The following IQSEC1 variants were observed in gnomAD, a reference collection of about 807,000 sequenced individuals.
IQSEC1 encodes IQ motif and Sec7 domain ArfGEF 1, also known as IQ motif and SEC7 domain-containing protein 1.
IQSEC1 carries 31 observed loss-of-function variants against 91.0 expected under a neutral mutation model. That is an observed-to-expected ratio of 0.34 (90% CI 0.26 to 0.46). The LOEUF (loss-of-function observed/expected upper bound fraction) is 0.46. IQSEC1 is among the 20% of genes least tolerant of loss of function. IQSEC1 has a pLI of 1.00. For missense variants in IQSEC1, 1,388 were observed against 1,575.6 expected, an observed-to-expected ratio of 0.88 and a Z score of 2.02; for synonymous variants, 699 against 662.6, an observed-to-expected ratio of 1.05 and a Z score of -0.84.
chr3:13,041,651 C>T (rs1016001502), intron 1 of IQSEC1, among the ~76,000 whole-genome samples: 16 of 152,158 alleles, frequency 1.1e-4, no homozygotes, highest in Admixed American at 2.0e-4. Flanking sequence ...AGAACACACA[C>T]GCTCGGAAGA....
chr3:13,108,524 C>T (rs909766877), intron 2 of IQSEC1, among the ~76,000 whole-genome samples: 3 of 151,716 alleles, frequency 2.0e-5, no homozygotes, highest in African/African-American at 7.3e-5. Flanking sequence ...TTTTTTTAGC[C>T]ACATAGCACT....
chr3:13,081,650 T>G (rs1318652785), intron 2 of IQSEC1, among the ~76,000 whole-genome samples: 1 of 152,224 alleles, frequency 6.6e-6, no homozygotes, highest in African/African-American at 2.4e-5. Context: ...CAAAAATTTT[T>G]CAGTCATCTA....
At chr3:13,234,510 T>C (rs916890527) in intron 1 of IQSEC1, among the ~76,000 whole-genome samples, 1 of 152,210 alleles carries the variant, frequency 6.6e-6, no homozygotes, top group Non-Finnish European at 1.5e-5. Flanking sequence ...CTGAAACACC[T>C]GAATTTCTTC....
rs1435881125 is a variant in IQSEC1, at chr3:12,898,013, CCTG to C, written c.*2967_*2969del. The C allele has an allele frequency of 5.9e-5, 9 of 152,266 alleles. No homozygotes were observed. Among genetic ancestry groups the C allele is most frequent in the Non-Finnish European group, 1.3e-4 (9 of 68,052 alleles). The allele number at this position is 152,266 out of a possible 1,614,324, so 9.4% of individuals were successfully genotyped here. On this transcript the variant is annotated 3_prime_UTR_variant, in exon 14 of 14. Coordinates refer to ENST00000613206, the MANE Select transcript of IQSEC1 (RefSeq NM_001134382.3). Reference sequence around the variant, plus strand: ...TTGCCAGCTGTTTCCCTCAGCGTCTCCTGCTCCTGTCAGCAATTCTGTATGTAA... The same window carrying C: ...TTGCCAGCTGTTTCCCTCAGCGTCTCCTCCTGTCAGCAATTCTGTATGTAA...
intron 1 of IQSEC1, among the ~76,000 whole-genome samples, chr3:13,210,686 A>C (rs1694427697): frequency 6.6e-6 from 1 of 152,060 alleles, no homozygotes; most frequent in Non-Finnish European, 1.5e-5. Context: ...CTCCGCTCTG[A>C]GTTTTCCTAA....
Position 12,924,825 on chromosome 3 carries a change from G to C in IQSEC1, c.1569-83C>G, listed in dbSNP as rs931887491. ...TGGAGGGGATCTCCGCTCAGTGGAC[G>C]GTCGACATTCTCCCTCCCTGCCCAC... On this transcript the variant is annotated intron_variant, in intron 3 of 13. Coordinates refer to ENST00000613206, the MANE Select transcript of IQSEC1 (RefSeq NM_001134382.3). This position sits in a 1 kb window ranked among gnomAD's most constrained non-coding sequence, Gnocchi z 6.3. 1 of 1,329,720 alleles carries C rather than the reference G, an allele frequency of 7.5e-7. No individual in the cohort carries two copies. Among genetic ancestry groups the C allele is most frequent in the African/African-American group, 1.5e-5 (1 of 66,982 alleles). 82.4% of individuals were successfully genotyped at this position (1,329,720 alleles called of 1,614,324 possible). A position where few individuals can be genotyped will look rare whatever the true frequency, so the allele number is the denominator to read the frequency against.
At chr3:13,180,248 T>C (rs2125016100) in intron 1 of IQSEC1, among the ~76,000 whole-genome samples, 1 of 152,226 alleles carries the variant, frequency 6.6e-6, no homozygotes, top group East Asian at 1.9e-4. Context: ...ATTGGCACTC[T>C]GTATCTAGCT....
intron 2 of IQSEC1, among the ~76,000 whole-genome samples, chr3:13,118,190 C>T (rs1398334442): frequency 4.6e-5 from 7 of 152,212 alleles, no homozygotes; most frequent in Non-Finnish European, 1.0e-4. Flanking sequence ...TTATATATAT[C>T]CAAACATCAT....
chr3:13,194,858 C>G (rs1299898742), intron 1 of IQSEC1, among the ~76,000 whole-genome samples: 1 of 152,138 alleles, frequency 6.6e-6, no homozygotes. Flanking sequence ...CAAAGTGGAT[C>G]ATCGGCTTAA....
chr3:13,041,201 C>T (rs543796709), intron 1 of IQSEC1, among the ~76,000 whole-genome samples: 8 of 137,616 alleles, frequency 5.8e-5, no homozygotes, highest in South Asian at 4.8e-4. Flanking sequence ...CTCCTGAGGC[C>T]GCATGAACAA....
chr3:12,988,402 G>A (rs1175233703), intron 1 of IQSEC1, among the ~76,000 whole-genome samples: 1 of 152,012 alleles, frequency 6.6e-6, no homozygotes, highest in Non-Finnish European at 1.5e-5. Context: ...GCGACAGAGC[G>A]AGGCTCTATC....
chr3:13,175,538 C>T (rs1459290998), intron 1 of IQSEC1, among the ~76,000 whole-genome samples: 1 of 152,202 alleles, frequency 6.6e-6, no homozygotes, highest in East Asian at 1.9e-4. Context: ...CCAAAGCCTG[C>T]CACACTCCTC....
chr3:13,234,177 T>C (rs867342040), intron 1 of IQSEC1, among the ~76,000 whole-genome samples: 30 of 152,176 alleles, frequency 2.0e-4, no homozygotes, highest in African/African-American at 7.2e-4. Context: ...TGTGGGTCTG[T>C]GGGTGTGAGC....
At chr3:12,938,945 C>T (rs766627344) in intron 2 of IQSEC1, among the ~76,000 whole-genome samples, 3 of 152,198 alleles carry the variant, frequency 2.0e-5, no homozygotes, top group Admixed American at 6.5e-5. Context: ...TACTCTTCCT[C>T]GTCCCCAAAC....
intron 1 of IQSEC1, among the ~76,000 whole-genome samples, chr3:13,201,045 G>C (rs1359488871): frequency 1.3e-5 from 2 of 152,126 alleles, no homozygotes; most frequent in Non-Finnish European, 2.9e-5. Flanking sequence ...AGCTGCATTC[G>C]ACTCACTTTT....
At chr3:12,951,315 C>T (rs1362806425) in intron 1 of IQSEC1, among the ~76,000 whole-genome samples, 1 of 152,038 alleles carries the variant, frequency 6.6e-6, no homozygotes, top group Non-Finnish European at 1.5e-5. Context: ...CCCAGCTACT[C>T]GGGAGGCTAA....
intron 3 of IQSEC1, among the ~76,000 whole-genome samples, chr3:12,934,990 CCCA>C: frequency 6.6e-6 from 1 of 152,010 alleles, no homozygotes; most frequent in Admixed American, 6.5e-5. Flanking sequence ...GCCTGCATCC[CCCA>C]CAAGACACAG....
At position 12,936,347 on chromosome 3, in the gene IQSEC1, G is replaced by C; in HGVS notation, c.669C>G (p.Thr223=). The change falls in exon 3 of 14, where the codon ACC becomes ACG. Residue 223 remains threonine, a synonymous_variant. Transcript: ENST00000613206. The part of the protein sequence containing the change: ...APSSDFADAI[T]ELEDAFSRQV... ...GCCTAGAGAAGGCGTCCTCCAGCTCGGTGATGGCGTCCGCAAAGTCACTGG... is the reference window on the plus strand; with the variant it reads ...GCCTAGAGAAGGCGTCCTCCAGCTCCGTGATGGCGTCCGCAAAGTCACTGG... 1 of 1,606,558 alleles carries C rather than the reference G, an allele frequency of 6.2e-7. No individual in the cohort carries two copies. The highest frequency in any genetic ancestry group is 8.5e-7 in the Non-Finnish European group (1 of 1,174,778).
At chr3:12,998,902 G>A (rs1266507702) in intron 1 of IQSEC1, among the ~76,000 whole-genome samples, 1 of 152,040 alleles carries the variant, frequency 6.6e-6, no homozygotes, top group Non-Finnish European at 1.5e-5. Flanking sequence ...GCTGATCTCT[G>A]GGTAGGTTGA....
Sources: gnomAD v4.1 joint callset for allele counts (sites outside exome capture counted in the v4.1 genomes callset) on GRCh38, gnomAD v4.1.1 for gene constraint, Gnocchi (gnomAD v3.1) non-coding constraint, MANE v1.5 for transcripts, NCBI Gene and HGNC (gene_info 2026-07-23, HGNC 2026-07-21) for gene names.